The following COL18A1 variants were observed in gnomAD, a reference collection of about 807,000 sequenced individuals.
The protein encoded by COL18A1 is collagen type XVIII alpha 1 chain, also known as collagen alpha-1(XVIII) chain.
COL18A1 carries 133 observed loss-of-function variants against 168.0 expected under a neutral mutation model. That is an observed-to-expected ratio of 0.79 (90% CI 0.69 to 0.91). The LOEUF is 0.91. Among genes scored for constraint, COL18A1 ranks in the 40% least tolerant of loss-of-function variants. The pLI, the probability that COL18A1 is intolerant of heterozygous loss-of-function variation, is 0.00. For missense variants in COL18A1, 2,126 were observed against 1,925.4 expected (o/e 1.10, Z -1.95); for synonymous variants, 949 against 809.0 (o/e 1.17, Z -2.94).
chr21:45,497,752 C>G (rs2036591752), intron 32 of COL18A1, 91 bp downstream of exon 32: 4 of 1,518,096 alleles, frequency 2.6e-6, no homozygotes, highest in Non-Finnish European at 3.6e-6. Flanking sequence ...ACAAGCAGGT[C>G]CTGGACCCTC....
chr21:45,455,529 C>G, intron 2 of COL18A1: 2 of 1,612,790 alleles, frequency 1.2e-6, no homozygotes, highest in Admixed American at 1.7e-5. Flanking sequence ...CGCACTGCCC[C>G]GATGGCTCCC....
intron 8 of COL18A1, 84 bp from the exon 9 acceptor site, chr21:45,478,243 C>T (rs2035753512): frequency 6.4e-6 from 10 of 1,568,932 alleles, no homozygotes; most frequent in East Asian, 2.2e-5. Flanking sequence ...GGACTTGGAG[C>T]GTGGGGTGCA....
At chr21:45,500,120 T>C (rs995950236) in intron 32 of COL18A1, among the ~76,000 whole-genome samples, 5 of 141,370 alleles carry the variant, frequency 3.5e-5, no homozygotes, top group African/African-American at 1.3e-4. Context: ...GTGTGTGCAG[T>C]GTGGGGGTGT....
In COL18A1 at chr21:45,498,495, C is replaced by T. The variant is rs186761177; in HGVS notation, c.2683+834C>T. ...CCCGCTCGCCGCCAGGGTCCCCTCT[C>T]GCTGCCAGGGTCCTCTGCAGAGGAG... On this transcript the variant is annotated intron_variant, in intron 32 of 41. Coordinates refer to ENST00000651438, the MANE Select transcript of COL18A1 (RefSeq NM_001379500.1). The surrounding 1 kb of genome is among the most constrained non-coding windows in gnomAD (Gnocchi z 4.5). 552 of 715,460 alleles carry T rather than the reference C, an allele frequency of 7.7e-4. 4 individuals are homozygous for T. In the East Asian group the frequency reaches 0.014, roughly 18 times the overall value. The allele number at this position is 715,460 out of a possible 1,614,324, so 44.3% of individuals were successfully genotyped here.
At chr21:45,439,692 G>A (rs1353655132) in intron 2 of COL18A1, among the ~76,000 whole-genome samples, 1 of 152,238 alleles carries the variant, frequency 6.6e-6, no homozygotes. Context: ...TGTTTTGCCC[G>A]GAGCTGCTGC....
intron 39 of COL18A1, among the ~76,000 whole-genome samples, chr21:45,509,838 C>T (rs369560940): frequency 1.3e-5 from 2 of 152,210 alleles, no homozygotes; most frequent in Non-Finnish European, 2.9e-5. Context: ...GGCGTACCTC[C>T]GCCTACAGCG....
chr21:45,452,852 T>C (rs547809701), intron 2 of COL18A1, among the ~76,000 whole-genome samples: 2 of 67,982 alleles, frequency 2.9e-5, no homozygotes, highest in East Asian at 9.8e-4. Context: ...CATGTATGTA[T>C]GTGTGGGGCT....
intron 2 of COL18A1, chr21:45,407,334 A>G (rs2033147131): frequency 6.6e-6 from 1 of 152,276 alleles, no homozygotes; most frequent in Non-Finnish European, 1.5e-5. Flanking sequence ...CTGGCCAAGA[A>G]TGATGCATCT....
intron 2 of COL18A1, among the ~76,000 whole-genome samples, chr21:45,445,655 G>A (rs1432268801): frequency 1.3e-5 from 2 of 152,204 alleles, no homozygotes; most frequent in South Asian, 2.1e-4. Flanking sequence ...CATGTTGGGT[G>A]TAAAGCAGTG....
At position 45,468,291 on chromosome 21, in the gene COL18A1, G is replaced by C; in HGVS notation, c.156G>C (p.Pro52=). 1 of 1,613,202 alleles carries C rather than the reference G, an allele frequency of 6.2e-7. No individual in the cohort carries two copies. Among genetic ancestry groups the C allele is most frequent in the East Asian group, 2.2e-5 (1 of 44,880 alleles). The change falls in exon 3 of 42, where the codon CCG becomes CCC. Residue 52 remains proline (P), a synonymous_variant. Transcript: ENST00000651438. ...TGCTGCAGCTCCTTGGGGACCCCCC[G>C]CCCCAGCAGGTCACCCAGACGGATG... The part of the protein sequence containing the change: ...VGLLQLLGDP[P]PQQVTQTDDP...
chr21:45,491,375 C>T, intron 22 of COL18A1, 61 bp downstream of exon 22: 4 of 877,428 alleles, frequency 4.6e-6, no homozygotes, highest in Non-Finnish European at 7.2e-6. Flanking sequence ...GTGCAGAGAT[C>T]CCTCCCCGAG....
chr21:45,413,994 C>T (rs1019820896), intron 2 of COL18A1, among the ~76,000 whole-genome samples: 1 of 152,194 alleles, frequency 6.6e-6, no homozygotes, highest in East Asian at 1.9e-4. Flanking sequence ...TCTCCAAGCC[C>T]GTGTGCACCT....
chr21:45,504,747 A>G (rs1275559250), intron 34 of COL18A1, among the ~76,000 whole-genome samples, 191 bp downstream of exon 34: 1 of 151,820 alleles, frequency 6.6e-6, no homozygotes, highest in African/African-American at 2.4e-5. Context: ...CTGACCCCGG[A>G]CACCCCCCGT....
rs545489722 is a variant in COL18A1, at chr21:45,482,134, C to T, written c.1674+109C>T. On this transcript the variant is annotated intron_variant, in intron 14 of 41. Transcript: ENST00000651438. The stretch of plus-strand genomic sequence containing the variant: ...TGAAGGGGAAATGCCAGGAATAGCC[C>T]CCCATCACAGCCCCACAGCCTGGGG... The T allele has an allele frequency of 6.0e-6, 5 of 835,586 alleles. No individual in the cohort carries two copies. The African/African-American group carries it at 6.7e-5, about 11-fold the overall frequency. 51.8% of individuals were successfully genotyped at this position (835,586 alleles called of 1,614,324 possible).
rs186768513 is a variant in COL18A1, at chr21:45,479,782, A to C, written c.1249-120A>C. ...CGCCCTCGTACTTTCCGGGCCCCAG[A>C]GACTCCCCTGAAGGGCTCAGCTCCC... On this transcript the variant is annotated intron_variant, in intron 9 of 41. Coordinates refer to ENST00000651438, the MANE Select transcript of COL18A1 (RefSeq NM_001379500.1). The C allele has an allele frequency of 2.8e-4, 394 of 1,425,536 alleles. No individual in the cohort carries two copies. The African/African-American group carries it at 5.2e-3, about 19-fold the overall frequency. 88.3% of individuals were successfully genotyped at this position (1,425,536 alleles called of 1,614,324 possible). A position where few individuals can be genotyped will look rare whatever the true frequency, so the allele number is the denominator to read the frequency against.
At chr21:45,456,629 C>G in intron 2 of COL18A1, 1 of 1,538,458 alleles carries the variant, frequency 6.5e-7, no homozygotes, top group Non-Finnish European at 8.7e-7. Flanking sequence ...CGAGCAGGTG[C>G]GGGCCGGGGC....
intron 38 of COL18A1, among the ~76,000 whole-genome samples, chr21:45,508,636 G>C (rs1334266923): frequency 1.3e-5 from 2 of 152,154 alleles, no homozygotes; most frequent in African/African-American, 2.4e-5. Flanking sequence ...TCAGGAGTGA[G>C]GCCTGATGTG....
chr21:45,482,920 A>G, intron 15 of COL18A1, 99 bp downstream of exon 15: 2 of 1,558,568 alleles, frequency 1.3e-6, no homozygotes, highest in East Asian at 2.3e-5. Flanking sequence ...CGAGAGAGTG[A>G]GCTCTCTTGG....
At position 45,456,803 on chromosome 21, in the gene COL18A1, G is replaced by C. The variant is rs77180157; in HGVS notation, c.107-11439G>C. 0.012 allele frequency: 18,572 copies of C among 1,538,816 alleles called. 585 individuals carry two copies. The East Asian group carries it at 0.13, about 11-fold the overall frequency. The stretch of plus-strand genomic sequence containing the variant: ...GGATGCGTGTTGGAGCCGCCTGGGC[G>C]GGGGCCGGCTGCCCGTCGCCTGTGC... On this transcript the variant is annotated intron_variant, in intron 2 of 41. Coordinates refer to ENST00000651438, the MANE Select transcript of COL18A1 (RefSeq NM_001379500.1).
Sources: allele counts gnomAD v4.1 joint callset (sites outside exome capture counted in the v4.1 genomes callset), GRCh38; gene constraint gnomAD v4.1.1; non-coding constraint Gnocchi (gnomAD v3.1); transcripts MANE v1.5; gene names NCBI Gene and HGNC (gene_info 2026-07-23, HGNC 2026-07-21).